Variants in GLDC observed in about 807,000 individuals in gnomAD.
GLDC encodes the protein glycine dehydrogenase (decarboxylating), mitochondrial.
Under a neutral mutation model 121.3 loss-of-function variants are expected in GLDC, and 104 were observed. The observed-to-expected ratio is 0.86, with a 90% CI of 0.73 to 1.01. GLDC has a LOEUF of 1.01. Ranked by LOEUF, GLDC falls within the 50% of genes least tolerant of loss-of-function variation. GLDC has a pLI of 0.00. For missense variants in GLDC, 1,429 were observed against 1,306.6 expected (o/e 1.09, Z -1.44); for synonymous variants, 546 against 480.6 (o/e 1.14, Z -1.78).
At chr9:6,579,574 T>C (rs1484405846) in intron 15 of GLDC, among the ~76,000 whole-genome samples, 1 of 152,156 alleles carries the variant, frequency 6.6e-6, no homozygotes, top group African/African-American at 2.4e-5. Flanking sequence ...ACCCAGGCTG[T>C]TCTCAAACTC....
rs377750481 is a variant in GLDC at position 6,605,266 on chromosome 9, G to T, written c.726C>A (p.Val242=). Residue 242 remains valine, a synonymous_variant, in exon 6 of 25, where the codon GTC becomes GTA. Coordinates refer to ENST00000321612, the MANE Select transcript of GLDC (RefSeq NM_000170.3). ...VVQTRAKYTG[V]LTELKLPCEM... is the part of the protein sequence containing the mutation. ...CACAGGGTAACTTCAGCTCAGTGAG[G>T]ACTCCAGTATATCTGGAAAGACAGA... 8.7e-6 allele frequency: 14 copies of T among 1,613,752 alleles called. No individual in the cohort carries two copies. The highest frequency in any genetic ancestry group is 8.5e-7 in the Non-Finnish European group (1 of 1,179,778).
Position 6,601,046 on chromosome 9 carries a change from G to C in GLDC, c.1155+1063C>G, listed in dbSNP as rs1158031820. ...AAACTAGCCTGGCGCTGTGGCAGGC[G>C]CCTGTAATCCCAGTTACTCAGGAGG... On this transcript the variant is annotated intron_variant, in intron 8 of 24. Coordinates refer to ENST00000321612, the MANE Select transcript of GLDC (RefSeq NM_000170.3). Among the ~76,000 whole-genome samples the C allele has an allele frequency of 1.3e-5, 2 of 152,064 alleles. 1 individual carries two copies. The highest frequency in any genetic ancestry group is 2.9e-5 in the Non-Finnish European group (2 of 68,014).
chr9:6,588,035 C>A (rs1372790919), intron 14 of GLDC, among the ~76,000 whole-genome samples: 1 of 136,082 alleles, frequency 7.3e-6, no homozygotes, highest in African/African-American at 2.8e-5. Flanking sequence ...TCTAGAAAGA[C>A]GGCTTAAGGT....
At chr9:6,542,564 G>A (rs1817290853) in intron 21 of GLDC, among the ~76,000 whole-genome samples, 2 of 151,974 alleles carry the variant, frequency 1.3e-5, no homozygotes, top group African/African-American at 4.8e-5. Flanking sequence ...CAATGATGGG[G>A]AATAAACTGT....
intron 2 of GLDC, 39 bp downstream of exon 2, chr9:6,644,575 G>C (rs553602597): frequency 2.2e-6 from 3 of 1,370,350 alleles, no homozygotes; most frequent in East Asian, 2.3e-5. Context: ...AAATAGGCCA[G>C]AATAATCTAA....
intron 2 of GLDC, among the ~76,000 whole-genome samples, chr9:6,643,750 G>A (rs752070964): frequency 6.6e-6 from 1 of 151,876 alleles, no homozygotes; most frequent in East Asian, 1.9e-4. Flanking sequence ...AAAACCATTC[G>A]GGGTAGGGCA....
At chr9:6,559,196 T>A (rs765310592) in intron 16 of GLDC, among the ~76,000 whole-genome samples, 1 of 152,148 alleles carries the variant, frequency 6.6e-6, no homozygotes, top group Non-Finnish European at 1.5e-5. Flanking sequence ...TTAGTTTCTA[T>A]AAGAACCATA....
intron 22 of GLDC, among the ~76,000 whole-genome samples, chr9:6,538,775 C>A (rs2129658424): frequency 6.6e-6 from 1 of 152,324 alleles, no homozygotes; most frequent in South Asian, 2.1e-4. Context: ...GCAAGGCATC[C>A]ACAAAGTGAG....
chr9:6,644,573 C>T lies in GLDC; in HGVS notation c.334+41G>A, dbSNP rs757271022. 6.0e-6 allele frequency: 8 copies of T among 1,322,440 alleles called. No individual in the cohort carries two copies. In the East Asian group the frequency reaches 1.4e-4, roughly 23 times the overall value. The allele number at this position is 1,322,440 out of a possible 1,614,324, so 81.9% of individuals were successfully genotyped here. On this transcript the variant is annotated intron_variant, in intron 2 of 24. Transcript: ENST00000321612. ...AGGGAACCACAAAAGACAAATAGGCCAGAATAATCTAAGTCCAAGGGAGCC... is the reference window on the plus strand; with the variant it reads ...AGGGAACCACAAAAGACAAATAGGCTAGAATAATCTAAGTCCAAGGGAGCC...
In GLDC at chr9:6,565,428, C is replaced by T. The variant is rs758575745; in HGVS notation, c.1852G>A (p.Gly618Arg). The T allele has an allele frequency of 6.2e-6, 10 of 1,612,300 alleles. No homozygotes were observed. The highest frequency in any genetic ancestry group is 2.2e-5 in the East Asian group (1 of 44,860). The stretch of plus-strand genomic sequence containing the variant: ...AGTCCAGCATATTCTCCCTGGGCTC[C>T]GCTTGCAAAGACAAGAAGAAAGGGA... ...YDQVCFQPNS[G>R]AQGEYAGLAT... The change falls in exon 16 of 25, where the codon GGA becomes AGA. Residue 618 changes from glycine (G) to arginine (R), a missense_variant and splice_region_variant. Coordinates refer to ENST00000321612, the MANE Select transcript of GLDC (RefSeq NM_000170.3).
intron 15 of GLDC, among the ~76,000 whole-genome samples, chr9:6,580,075 C>T (rs752470508): frequency 6.6e-6 from 1 of 152,188 alleles, no homozygotes; most frequent in Non-Finnish European, 1.5e-5. Flanking sequence ...CTCTTCATTT[C>T]CCCTGAAGCA....
intron 21 of GLDC, among the ~76,000 whole-genome samples, chr9:6,544,152 A>G (rs1041566393): frequency 6.6e-6 from 1 of 152,232 alleles, no homozygotes; most frequent in Admixed American, 6.5e-5. Context: ...TGCTTGGTCA[A>G]GCCTTTTAGC....
chr9:6,571,703 G>C (rs980764550), intron 15 of GLDC, among the ~76,000 whole-genome samples: 3 of 152,150 alleles, frequency 2.0e-5, no homozygotes, highest in African/African-American at 7.2e-5. Flanking sequence ...ATTTAGAATG[G>C]TGTACAATTT....
At chr9:6,540,258 G>C in intron 21 of GLDC, 112 bp from the exon 22 acceptor site, 1 of 763,678 alleles carries the variant, frequency 1.3e-6, no homozygotes, top group South Asian at 1.4e-5. Flanking sequence ...GTGTATCAGC[G>C]AGGACCAAGA....
chr9:6,606,118 T>G (rs1818725558), intron 5 of GLDC: 1 of 183,406 alleles, frequency 5.5e-6, no homozygotes, highest in Admixed American at 5.6e-5. Context: ...CCATCCTGGC[T>G]AACACGGTGA....
chr9:6,599,894 G>C (rs1818567353), intron 8 of GLDC, among the ~76,000 whole-genome samples: 1 of 152,080 alleles, frequency 6.6e-6, no homozygotes, highest in South Asian at 2.1e-4. Context: ...GACCAACTGA[G>C]GAAATGGCTC....
intron 11 of GLDC, among the ~76,000 whole-genome samples, chr9:6,590,927 G>A (rs1049882535): frequency 2.0e-5 from 3 of 152,192 alleles, no homozygotes; most frequent in Admixed American, 2.0e-4. Flanking sequence ...CTCTCAAAGA[G>A]GGCACAGATA....
chr9:6,609,721 C>A (rs959263330), intron 4 of GLDC, among the ~76,000 whole-genome samples: 1 of 151,874 alleles, frequency 6.6e-6, no homozygotes, highest in African/African-American at 2.4e-5. Context: ...GCCGAGTCAG[C>A]TGTTTAAGGT....
At chr9:6,565,753 A>G (rs113441375) in intron 15 of GLDC, 7 of 557,944 alleles carry the variant, frequency 1.3e-5, no homozygotes, top group African/African-American at 7.5e-5. Flanking sequence ...ACCAAAATAC[A>G]GTGAAGAACA....
Sources: gnomAD v4.1 joint callset for allele counts (sites outside exome capture counted in the v4.1 genomes callset) on GRCh38, gnomAD v4.1.1 for gene constraint, MANE v1.5 for transcripts, NCBI Gene and HGNC (gene_info 2026-07-23, HGNC 2026-07-21) for gene names.